Variants in CNTN4 observed in about 807,000 individuals in gnomAD.
The protein encoded by CNTN4 is contactin-4.
In CNTN4, 77 loss-of-function variants were observed where a neutral mutation model predicts 122.5. That is an observed-to-expected ratio of 0.63 (90% CI 0.52 to 0.76). CNTN4 has a LOEUF of 0.76. CNTN4 is among the 30% of genes least tolerant of loss of function. The pLI is 0.00. For synonymous variants in CNTN4, 512 were observed against 447.0 expected (o/e 1.15, Z -1.83); for missense variants, 1,256 against 1,259.1 (o/e 1.00, Z 0.04).
At chr3:2,204,772 G>T (rs1293042669) in intron 2 of CNTN4, among the ~76,000 whole-genome samples, 1 of 152,020 alleles carries the variant, frequency 6.6e-6, no homozygotes, top group African/African-American at 2.4e-5. Flanking sequence ...AGTCAGCTTT[G>T]TCAGAGGAAT....
chr3:2,668,150 G>A (rs2084282383), intron 4 of CNTN4, among the ~76,000 whole-genome samples: 1 of 152,150 alleles, frequency 6.6e-6, no homozygotes, highest in Non-Finnish European at 1.5e-5. Context: ...TAGCTTGATG[G>A]GGATGGCATG....
At chr3:2,613,955 T>C (rs1200814182) in intron 4 of CNTN4, among the ~76,000 whole-genome samples, 1 of 152,162 alleles carries the variant, frequency 6.6e-6, no homozygotes, top group Non-Finnish European at 1.5e-5. Context: ...CTGACCGCTG[T>C]TCTAACCCTC....
rs550201762 is a variant in CNTN4 at position 2,132,689 on chromosome 3, A to G, written c.-145+32050A>G. On this transcript the variant is annotated intron_variant, in intron 2 of 24. Transcript: ENST00000418658. Reference sequence around the variant, plus strand: ...ATTTTTCCTTAGTGCAGGAGTTTAAAACATTCTGCCATTTTCTCACTCGTA... The same window carrying G: ...ATTTTTCCTTAGTGCAGGAGTTTAAGACATTCTGCCATTTTCTCACTCGTA... Among the ~76,000 whole-genome samples, 6 of 152,178 alleles carry G rather than the reference A, an allele frequency of 3.9e-5. No individual in the cohort carries two copies. The South Asian group carries it at 1.2e-3, about 32-fold the overall frequency.
intron 3 of CNTN4, among the ~76,000 whole-genome samples, chr3:2,411,124 C>T (rs1002325042): frequency 4.6e-5 from 7 of 152,052 alleles, no homozygotes; most frequent in Non-Finnish European, 5.9e-5. Flanking sequence ...AGTGGGAGCA[C>T]GTATGAGAAC....
At chr3:2,621,399 C>G (rs1409411711) in intron 4 of CNTN4, among the ~76,000 whole-genome samples, 2 of 151,932 alleles carry the variant, frequency 1.3e-5, no homozygotes, top group Non-Finnish European at 2.9e-5. Context: ...ATAAAAACAC[C>G]AAACACCACA....
At chr3:3,035,305 C>CAA (rs1255595358) in intron 17 of CNTN4, among the ~76,000 whole-genome samples, 5,178 of 64,328 alleles carry the variant, frequency 0.08, 211 homozygotes, top group Non-Finnish European at 0.11. Context: ...GACTCCGTCT[C>CAA]AAAAAAAAAA....
chr3:2,975,632 C>G (rs958764005), intron 13 of CNTN4, among the ~76,000 whole-genome samples: 2 of 152,044 alleles, frequency 1.3e-5, no homozygotes, highest in African/African-American at 4.8e-5. Flanking sequence ...CATTTCTGTC[C>G]ACGTCTTCTT....
At chr3:2,530,178 G>A (rs1363681573) in intron 3 of CNTN4, among the ~76,000 whole-genome samples, 1 of 151,884 alleles carries the variant, frequency 6.6e-6, no homozygotes, top group Admixed American at 6.6e-5. Flanking sequence ...TTTTCATCTT[G>A]ATATGCATTA....
chr3:2,601,147 A>G (rs545639320), intron 4 of CNTN4, among the ~76,000 whole-genome samples: 3 of 152,222 alleles, frequency 2.0e-5, no homozygotes, highest in South Asian at 2.1e-4. Context: ...CCCATTCTGT[A>G]GGTTGCCTGT....
intron 2 of CNTN4, among the ~76,000 whole-genome samples, chr3:2,209,405 C>G (rs2038506303): frequency 6.6e-6 from 1 of 152,138 alleles, no homozygotes; most frequent in South Asian, 2.1e-4. Context: ...GCTATCCTCT[C>G]CCATAGGTAG....
At chr3:2,862,544 A>T (rs1460360622) in intron 7 of CNTN4, among the ~76,000 whole-genome samples, 1 of 152,204 alleles carries the variant, frequency 6.6e-6, no homozygotes, top group Admixed American at 6.5e-5. Context: ...TTCACAATCC[A>T]TTTAATATGT....
intron 3 of CNTN4, among the ~76,000 whole-genome samples, chr3:2,557,055 C>T (rs2078749098): frequency 6.6e-6 from 1 of 152,128 alleles, no homozygotes; most frequent in South Asian, 2.1e-4. Context: ...TTTTCTTTGT[C>T]CTTTGCCAGA....
intron 4 of CNTN4, among the ~76,000 whole-genome samples, chr3:2,609,219 A>C (rs1485243051): frequency 1.3e-5 from 2 of 152,332 alleles, no homozygotes; most frequent in East Asian, 1.9e-4. Context: ...CCTTTTGGAA[A>C]GTTATTAAGT....
chr3:2,995,437 G>T (rs1695446866), intron 14 of CNTN4, among the ~76,000 whole-genome samples: 1 of 152,142 alleles, frequency 6.6e-6, no homozygotes, highest in Admixed American at 6.6e-5. Context: ...TTGTAATGCT[G>T]ATTGCATACC....
At chr3:2,440,872 T>C (rs1162649961) in intron 3 of CNTN4, among the ~76,000 whole-genome samples, 2 of 76,982 alleles carry the variant, frequency 2.6e-5, no homozygotes, top group Non-Finnish European at 6.4e-5. Flanking sequence ...CTAACATATA[T>C]GTATATATGT....
intron 4 of CNTN4, chr3:2,629,565 C>T (rs1156375167): frequency 2.2e-6 from 1 of 453,246 alleles, no homozygotes. Flanking sequence ...GGGGTGCTGC[C>T]AGCCTTGGAG....
At chr3:2,954,880 C>T (rs7644939) in intron 13 of CNTN4, among the ~76,000 whole-genome samples, 3,854 of 152,110 alleles carry the variant, frequency 0.025, 150 homozygotes, top group African/African-American at 0.088. Context: ...TTTTCTCTCA[C>T]TATAAGATTC....
At chr3:3,021,742 G>A (rs948278976) in intron 14 of CNTN4, among the ~76,000 whole-genome samples, 17 of 152,126 alleles carry the variant, frequency 1.1e-4, no homozygotes, top group African/African-American at 3.6e-4. Context: ...CATTGAAATG[G>A]AATTCGTATC....
chr3:2,218,682 C>T (rs1483632426), intron 2 of CNTN4, among the ~76,000 whole-genome samples: 2 of 152,144 alleles, frequency 1.3e-5, no homozygotes, highest in Non-Finnish European at 2.9e-5. Context: ...TAGTACTAAA[C>T]CAAAGGGATC....
Sources: allele counts gnomAD v4.1 joint callset (sites outside exome capture counted in the v4.1 genomes callset), GRCh38; gene constraint gnomAD v4.1.1; transcripts MANE v1.5; gene names NCBI Gene and HGNC (gene_info 2026-07-23, HGNC 2026-07-21).